Variants in CPS1 observed in about 807,000 individuals in gnomAD.
The protein encoded by CPS1 is carbamoyl-phosphate synthase [ammonia], mitochondrial.
CPS1 carries 109 observed loss-of-function variants against 174.6 expected under a neutral mutation model. The observed-to-expected ratio is 0.62, with a 90% CI of 0.53 to 0.73. The LOEUF is 0.73. CPS1 is among the 30% of genes least tolerant of loss of function. The pLI is 0.00. For missense variants in CPS1, 1,689 were observed against 1,821.9 expected (o/e 0.93, Z 1.33); for synonymous variants, 637 against 632.0 (o/e 1.01, Z -0.12).
chr2:210,552,790 T>C (rs571366115), upstream of CPS1, among the ~76,000 whole-genome samples: 351 of 152,156 alleles, frequency 2.3e-3, no homozygotes, highest in South Asian at 7.0e-3. Context: ...TAATGATTAA[T>C]ATAAATGAGT....
chr2:210,483,107 T>G (rs1051907365), intron 1 of CPS1, among the ~76,000 whole-genome samples: 1 of 152,204 alleles, frequency 6.6e-6, no homozygotes, highest in African/African-American at 2.4e-5. Context: ...TTATACCCTT[T>G]CATCTTGGGG....
At chr2:210,604,739 T>C (rs950302063) in intron 16 of CPS1, among the ~76,000 whole-genome samples, 2 of 151,916 alleles carry the variant, frequency 1.3e-5, no homozygotes, top group Non-Finnish European at 2.9e-5. Context: ...TATTTTTCCA[T>C]ATTTATTCAC....
rs747771551 is a variant in CPS1 at position 210,642,609 on chromosome 2, A to G, written c.3085A>G (p.Lys1029Glu). 6.2e-7 allele frequency: 1 copy of G among 1,614,052 alleles called. No individual in the cohort carries two copies. The highest frequency in any genetic ancestry group is 8.5e-7 in the Non-Finnish European group (1 of 1,180,012). The change falls in exon 25 of 38, where the codon AAA becomes GAA. Residue 1029 changes from lysine to glutamate, a missense_variant. Transcript: ENST00000233072. ...GAGCACAGACTTTGATGAGTGTGACAAACTGTACTTTGAAGAGTTGTCCTT... is the reference window on the plus strand; with the variant it reads ...GAGCACAGACTTTGATGAGTGTGACGAACTGTACTTTGAAGAGTTGTCCTT... ...TVSTDFDECD[K>E]LYFEELSLER... is the part of the protein sequence containing the mutation.
At chr2:210,645,367 C>T (rs1700348120) in intron 25 of CPS1, among the ~76,000 whole-genome samples, 1 of 152,054 alleles carries the variant, frequency 6.6e-6, no homozygotes, top group African/African-American at 2.4e-5. Context: ...TAGCTTTTCT[C>T]TTATTCTTTA....
Position 210,556,614 on chromosome 2 carries a change from G to A in CPS1, c.-120G>A. 1.3e-6 allele frequency: 2 copies of A among 1,523,866 alleles called. No homozygotes were observed. The highest frequency in any genetic ancestry group is 2.1e-5 in the Admixed American group (1 of 47,266). The allele number at this position is 1,523,866 out of a possible 1,614,324, so 94.4% of individuals were successfully genotyped here. A position where few individuals can be genotyped will look rare whatever the true frequency, so the allele number is the denominator to read the frequency against. ...ATGGAAATTCAAAGATCGCTGTGCAGTCAGCCTTAAACACTGACTGCACCC... is the reference window on the plus strand; with the variant it reads ...ATGGAAATTCAAAGATCGCTGTGCAATCAGCCTTAAACACTGACTGCACCC... On this transcript the variant is annotated 5_prime_UTR_variant, in exon 1 of 38. Coordinates refer to ENST00000233072, the MANE Select transcript of CPS1 (RefSeq NM_001875.5).
At chr2:210,565,515 ATAGG>A (rs1261690364) in intron 1 of CPS1, among the ~76,000 whole-genome samples, 4 of 152,192 alleles carry the variant, frequency 2.6e-5, no homozygotes, top group African/African-American at 9.6e-5. Context: ...ATATAATTAC[ATAGG>A]TGGGAGAAGA....
At chr2:210,551,266 T>TAA (rs1696722650) in intron 1 of CPS1, among the ~76,000 whole-genome samples, 1 of 152,032 alleles carries the variant, frequency 6.6e-6, no homozygotes, top group Non-Finnish European at 1.5e-5. Flanking sequence ...TTCCCACTGT[T>TAA]CTTCTCATTT....
chr2:210,604,265 T>C (rs1405369523), intron 16 of CPS1, among the ~76,000 whole-genome samples: 2 of 151,898 alleles, frequency 1.3e-5, no homozygotes, highest in East Asian at 3.9e-4. Flanking sequence ...CATTAAATTA[T>C]TATTTTAATG....
chr2:210,599,510 C>T lies in CPS1; in HGVS notation c.1498C>T (p.Gln500Ter). 2 of 1,612,520 alleles carry T rather than the reference C, an allele frequency of 1.2e-6. No homozygotes were observed. The highest frequency in any genetic ancestry group is 1.7e-6 in the Non-Finnish European group (2 of 1,179,040). ...QFVTEVIKAE[Q>*]PDGLILGMGG... ...TGTCACAGAGGTCATCAAGGCAGAA[C>T]AGCCAGATGGGTTAATTCTGGGCAT... The change falls in exon 14 of 38, where the codon CAG becomes TAG. Residue 500 changes from glutamine (Q) to a stop codon, truncating the protein, a stop_gained. Transcript: ENST00000233072. LOFTEE classifies it high-confidence loss of function.
intron 1 of CPS1, among the ~76,000 whole-genome samples, chr2:210,518,720 T>C (rs4372818): frequency 0.2 from 31,015 of 151,938 alleles, 3,690 homozygotes; most frequent in Middle Eastern, 0.32. Context: ...TTCGGCTATT[T>C]TTTTTTCTGA....
At chr2:210,519,681 C>T in intron 1 of CPS1, 1 of 928,676 alleles carries the variant, frequency 1.1e-6, no homozygotes, top group Non-Finnish European at 1.3e-6. Context: ...GCACGTGACC[C>T]AAGCCCCACC....
upstream of CPS1, among the ~76,000 whole-genome samples, chr2:210,554,121 G>GTA (rs1191625131): frequency 7.4e-6 from 1 of 135,926 alleles, no homozygotes. Context: ...ATATATGTAT[G>GTA]TATATATACA....
At chr2:210,513,416 T>C (rs371186028) in intron 1 of CPS1, among the ~76,000 whole-genome samples, 3 of 151,896 alleles carry the variant, frequency 2.0e-5, no homozygotes, top group East Asian at 3.9e-4. Context: ...GACTTGCATT[T>C]CTCTGACAGT....
At chr2:210,507,584 A>T (rs1338688149) in intron 1 of CPS1, among the ~76,000 whole-genome samples, 6 of 151,722 alleles carry the variant, frequency 4.0e-5, no homozygotes, top group Non-Finnish European at 7.4e-5. Context: ...CAGACTGGCA[A>T]ATTGGATAAA....
In CPS1 at chr2:210,573,292, C is replaced by G; in HGVS notation, c.127-6C>G. The G allele has an allele frequency of 6.2e-6, 10 of 1,610,842 alleles. No individual in the cohort carries two copies. The highest frequency in any genetic ancestry group is 1.1e-5 in the South Asian group (1 of 91,028). On this transcript the variant is annotated splice_region_variant and splice_polypyrimidine_tract_variant and intron_variant, in intron 1 of 37. Coordinates refer to ENST00000233072, the MANE Select transcript of CPS1 (RefSeq NM_001875.5). ...TCTGCTAAGATTCATGCAACTGTTT[C>G]TTCAGGCACAGACAGCACACATTGT...
intron 7 of CPS1, among the ~76,000 whole-genome samples, chr2:210,589,165 A>C (rs1330425171): frequency 6.6e-6 from 1 of 151,974 alleles, no homozygotes; most frequent in Non-Finnish European, 1.5e-5. Context: ...AGAGTTCCCT[A>C]CTGGGCTTAA....
chr2:210,633,748 C>T (rs1559118149), intron 21 of CPS1, among the ~76,000 whole-genome samples: 4 of 151,928 alleles, frequency 2.6e-5, no homozygotes, highest in Admixed American at 2.6e-4. Flanking sequence ...AATTAAAGAC[C>T]CTCTAAAAAT....
rs1697848666 is a variant in CPS1 at position 210,579,740 on chromosome 2, A to G, written c.498A>G (p.Thr166=). 6.2e-7 allele frequency: 1 copy of G among 1,613,216 alleles called. No homozygotes were observed. Among genetic ancestry groups the G allele is most frequent in the Admixed American group, 1.7e-5 (1 of 59,958 alleles). Residue 166 remains threonine (T), a synonymous_variant, in exon 5 of 38, where the codon ACA becomes ACG. Coordinates refer to ENST00000233072, the MANE Select transcript of CPS1 (RefSeq NM_001875.5). ...TTCCTGCAATTTATGGAGTGGACAC[A>G]AGAATGCTGACTAAAATAATTCGGG... ...EKVPAIYGVD[T]RMLTKIIRDK... is the part of the protein sequence containing the mutation.
chr2:210,496,818 C>T (rs924713988), intron 1 of CPS1, among the ~76,000 whole-genome samples: 1 of 152,146 alleles, frequency 6.6e-6, no homozygotes, highest in Non-Finnish European at 1.5e-5. Flanking sequence ...TTCTCAGCAA[C>T]ATCCTTCCTG....
Sources: allele counts gnomAD v4.1 joint callset (sites outside exome capture counted in the v4.1 genomes callset), GRCh38; gene constraint gnomAD v4.1.1; transcripts MANE v1.5; gene names NCBI Gene and HGNC (gene_info 2026-07-23, HGNC 2026-07-21).